NCAPD2: variants seen among roughly 807,000 people sequenced by gnomAD.
The protein encoded by NCAPD2 is non-SMC condensin I complex subunit D2, also known as condensin complex subunit 1.
In NCAPD2, 100 loss-of-function variants were observed where a neutral mutation model predicts 164.5. The ratio of observed to expected loss-of-function variants is 0.61; its 90% CI spans 0.52 to 0.72. The LOEUF (loss-of-function observed/expected upper bound fraction) is 0.72. Among genes scored for constraint, NCAPD2 ranks in the 30% least tolerant of loss-of-function variants. The pLI, the probability that NCAPD2 is intolerant of heterozygous loss-of-function variation, is 0.00. For synonymous variants in NCAPD2, 585 were observed against 642.6 expected (o/e 0.91, Z 1.36); for missense variants, 1,560 against 1,749.2 (o/e 0.89, Z 1.93).
intron 2 of NCAPD2, among the ~76,000 whole-genome samples, chr12:6,508,003 T>G (rs1483206536): frequency 6.6e-6 from 1 of 151,630 alleles, no homozygotes; most frequent in African/African-American, 2.4e-5. Flanking sequence ...GGCACCAAAG[T>G]GAGACCCTGT....
At chr12:6,505,304 G>A (rs73255098) in intron 2 of NCAPD2, among the ~76,000 whole-genome samples, 1,596 of 152,256 alleles carry the variant, frequency 0.01, 31 homozygotes, top group African/African-American at 0.035. Flanking sequence ...CACCTCAAGT[G>A]ATTCACCCGC....
In NCAPD2 at chr12:6,529,912, T is replaced by G. The variant is rs540155011; in HGVS notation, c.3791T>G (p.Leu1264Trp). Residue 1264 changes from leucine (L) to tryptophan (W), a missense_variant, in exon 29 of 32, where the codon TTG (leucine) becomes TGG (tryptophan). Transcript: ENST00000315579. ...GATGAGTCCATCTTCAGTGCTTTTT[T>G]GTCAGTTGTAGGCAAGCTGCGACGT... is the stretch of plus-strand genomic sequence containing the variant. ...LSDESIFSAF[L>W]SVVGKLRRGA... 7 of 1,614,268 alleles carry G rather than the reference T, an allele frequency of 4.3e-6. No individual in the cohort carries two copies. In the African/African-American group the frequency reaches 8.0e-5, roughly 18 times the overall value.
Position 6,531,511 on chromosome 12 carries a change from T to TAAAAA in NCAPD2, c.*107_*111dup, listed in dbSNP as rs753638236. ...AAAATATTTGTCTGTCTCTTTTTTTTAAAAAAAAAAAAGGCCGGGCACTGT... is the reference window on the plus strand; with the variant it reads ...AAAATATTTGTCTGTCTCTTTTTTTTAAAAAAAAAAAAAAAAAGGCCGGGCACTGT... On this transcript the variant is annotated 3_prime_UTR_variant, in exon 32 of 32. Coordinates refer to ENST00000315579, the MANE Select transcript of NCAPD2 (RefSeq NM_014865.4). This position sits in a 1 kb window ranked among gnomAD's most constrained non-coding sequence, Gnocchi z 4.1. 37 of 1,360,296 alleles carry TAAAAA rather than the reference T, an allele frequency of 2.7e-5. No individual in the cohort carries two copies. The African/African-American group carries it at 4.3e-4, about 16-fold the overall frequency. The allele number at this position is 1,360,296 out of a possible 1,614,324, so 84.3% of individuals were successfully genotyped here. A position where few individuals can be genotyped will look rare whatever the true frequency, so the allele number is the denominator to read the frequency against.
chr12:6,511,081 T>G lies in NCAPD2; in HGVS notation c.445-29T>G, dbSNP rs768998268. 11 of 1,607,134 alleles carry G rather than the reference T, an allele frequency of 6.8e-6. No individual in the cohort carries two copies. In the South Asian group the frequency reaches 1.1e-4, roughly 16 times the overall value. On this transcript the variant is annotated intron_variant, in intron 5 of 31. Coordinates refer to ENST00000315579, the MANE Select transcript of NCAPD2 (RefSeq NM_014865.4). ...TTGACCCACTTTTTTCCCTTATTTT[T>G]TCCTCAATGTATACATGATCCTTTT...
Position 6,517,380 on chromosome 12 carries a change from C to T in NCAPD2, c.1201C>T (p.Arg401Cys), listed in dbSNP as rs771172038. Residue 401 changes from arginine (R) to cysteine (C), a missense_variant, in exon 11 of 32, where the codon CGT becomes TGT. Arg to Cys is a radical substitution (Grantham distance 180). Transcript: ENST00000315579. ...CCCTACACAGGCTCTCCCCCTGACA[C>T]GTTTCCAGGCAGTGGTGGCTTTAGC... is the stretch of plus-strand genomic sequence containing the variant. ...IVQQKALPLT[R>C]FQAVVALAVG... The T allele has an allele frequency of 2.7e-5, 43 of 1,613,978 alleles. No homozygotes were observed. The highest frequency in any genetic ancestry group is 3.4e-5 in the Non-Finnish European group (40 of 1,180,008).
At chr12:6,517,312 C>T in intron 10 of NCAPD2, 53 bp from the exon 11 acceptor site, 6 of 1,593,848 alleles carry the variant, frequency 3.8e-6, no homozygotes, top group Non-Finnish European at 5.1e-6. Flanking sequence ...TCATCTTGAA[C>T]AAAATGGATG....
At position 6,528,253 on chromosome 12, in the gene NCAPD2, T is replaced by G; in HGVS notation, c.3224T>G (p.Leu1075Arg). 6.2e-7 allele frequency: 1 copy of G among 1,614,084 alleles called. No individual in the cohort carries two copies. Among genetic ancestry groups the G allele is most frequent in the Non-Finnish European group, 8.5e-7 (1 of 1,180,048 alleles). ...KSPLPIVRSN[L>R]MVATGDLAIR... ...CCACTTCCCATTGTCCGGTCTAACC[T>G]CATGGTTGCCACTGGGGATCTGGCC... The change falls in exon 25 of 32, where the codon CTC (leucine) becomes CGC (arginine). Residue 1075 changes from leucine to arginine, a missense_variant. By Grantham distance (102) the Leu-to-Arg change is moderately radical. Transcript: ENST00000315579. The surrounding 1 kb of genome is among the most constrained non-coding windows in gnomAD (Gnocchi z 5.1).
intron 2 of NCAPD2, among the ~76,000 whole-genome samples, 191 bp downstream of exon 2, chr12:6,495,416 C>T (rs1391373650): frequency 6.6e-6 from 1 of 152,148 alleles, no homozygotes; most frequent in Admixed American, 6.6e-5. Flanking sequence ...CATTAACTTC[C>T]TTTTCTGGAT....
intron 27 of NCAPD2, 179 bp from the exon 28 acceptor site, chr12:6,529,334 G>A: frequency 4.7e-6 from 3 of 643,766 alleles, no homozygotes; most frequent in South Asian, 3.8e-5. Context: ...CCTGAGCCGG[G>A]GGCGGGGTGG....
At position 6,497,541 on chromosome 12, in the gene NCAPD2, A is replaced by T. The variant is rs545371778; in HGVS notation, c.127+2316A>T. Among the ~76,000 whole-genome samples the T allele has an allele frequency of 2.6e-5, 4 of 152,220 alleles. No homozygotes were observed. In the South Asian group the frequency reaches 6.2e-4, roughly 24 times the overall value. On this transcript the variant is annotated intron_variant, in intron 2 of 31. Transcript: ENST00000315579. ...GTTCAGCTCCCACTTGTAAGTAAGA[A>T]CATGCAGTGTTTGGTTTTCTGTTCT...
chr12:6,503,537 C>T (rs1037876985), intron 2 of NCAPD2, among the ~76,000 whole-genome samples: 8 of 151,800 alleles, frequency 5.3e-5, no homozygotes, highest in Admixed American at 1.3e-4. Flanking sequence ...TTTGGGAGGC[C>T]GAGGCGGGCA....
At position 6,526,459 on chromosome 12, in the gene NCAPD2, C is replaced by A. The variant is rs1270862633; in HGVS notation, c.2578C>A (p.Pro860Thr). The A allele has an allele frequency of 3.7e-6, 6 of 1,614,152 alleles. No individual in the cohort carries two copies. In the South Asian group the frequency reaches 4.4e-5, roughly 12 times the overall value. Residue 860 changes from proline to threonine, a missense_variant, in exon 21 of 32, where the codon CCA becomes ACA. Pro to Thr is a conservative substitution (Grantham distance 38). Coordinates refer to ENST00000315579, the MANE Select transcript of NCAPD2 (RefSeq NM_014865.4). ...RETVTKGFVH[P>T]DPLWIPFKEV... is the part of the protein sequence containing the mutation. The stretch of plus-strand genomic sequence containing the variant: ...CTCCTCCTCTGCAGGCTTTGTCCAC[C>A]CAGACCCACTCTGGATCCCATTCAA...
At chr12:6,525,335 G>A (rs1198184331) in intron 17 of NCAPD2, among the ~76,000 whole-genome samples, 2 of 152,226 alleles carry the variant, frequency 1.3e-5, no homozygotes, top group South Asian at 2.1e-4. Flanking sequence ...ATGGACCCAC[G>A]TGGAACTCAA....
At position 6,516,961 on chromosome 12, in the gene NCAPD2, A is replaced by C; in HGVS notation, c.1121A>C (p.His374Pro). 3.7e-6 allele frequency: 6 copies of C among 1,614,194 alleles called. No individual in the cohort carries two copies. The highest frequency in any genetic ancestry group is 5.1e-6 in the Non-Finnish European group (6 of 1,180,034). Residue 374 changes from histidine to proline, a missense_variant, in exon 10 of 32, where the codon CAT becomes CCT. His to Pro is a moderately conservative substitution (Grantham distance 77). Transcript: ENST00000315579. ...QFLDTLQAHG[H>P]DVNSFVRSRV... The stretch of plus-strand genomic sequence containing the variant: ...TTGGATACTTTACAAGCCCATGGCC[A>C]TGATGTCAACTCCTTTGTGCGGAGC...
chr12:6,521,814 A>G lies in NCAPD2; in HGVS notation c.1731A>G (p.Thr577=), dbSNP rs746431689. 1.1e-5 allele frequency: 17 copies of G among 1,614,030 alleles called. No individual in the cohort carries two copies. The highest frequency in any genetic ancestry group is 1.4e-5 in the Non-Finnish European group (16 of 1,179,918). ...ACTCCTTAGGCCCAGCAGCTTCCAC[A>G]CAAGAAAAGAATCCCCGGGAGTCTA... The part of the protein sequence containing the change: ...GLIFKGPAAS[T]QEKNPRESTG... The change falls in exon 15 of 32, where the codon ACA becomes ACG. Residue 577 remains threonine (T), a synonymous_variant. Coordinates refer to ENST00000315579, the MANE Select transcript of NCAPD2 (RefSeq NM_014865.4).
rs1303955741 is a variant in NCAPD2, at chr12:6,504,206, TATATATATATAGATATAG to T, written c.128-5499_128-5482del. On this transcript the variant is annotated intron_variant, in intron 2 of 31. Coordinates refer to ENST00000315579, the MANE Select transcript of NCAPD2 (RefSeq NM_014865.4). Reference sequence around the variant, plus strand: ...ACATATATATATATATATATATATATATATATATATAGATATAGATATATATATATATATATACCATTG... The same window carrying T: ...ACATATATATATATATATATATATATATATATATATATATATATACCATTG... 3.4e-3 allele frequency among the ~76,000 whole-genome samples: 86 copies of T among 25,228 alleles called. 4 individuals carry two copies. The highest frequency in any genetic ancestry group is 0.029 in the African/African-American group (83 of 2,828). 16.6% of individuals were successfully genotyped at this position (25,228 alleles called of 152,430 possible).
intron 2 of NCAPD2, among the ~76,000 whole-genome samples, chr12:6,507,749 C>G (rs1026905493): frequency 2.0e-5 from 3 of 152,078 alleles, no homozygotes; most frequent in Admixed American, 2.0e-4. Flanking sequence ...TAAAGGAAAG[C>G]TAGTCTTCTT....
chr12:6,507,190 G>A (rs747730115), intron 2 of NCAPD2, among the ~76,000 whole-genome samples: 13 of 151,966 alleles, frequency 8.6e-5, no homozygotes, highest in African/African-American at 1.7e-4. Context: ...TTGCCCAGGC[G>A]GATCTTGAAC....
intron 2 of NCAPD2, among the ~76,000 whole-genome samples, chr12:6,504,909 T>C (rs1008467939): frequency 2.0e-5 from 3 of 152,162 alleles, no homozygotes; most frequent in Admixed American, 2.0e-4. Flanking sequence ...TTGGCTTTTC[T>C]TGTAATGTCA....
Sources: gnomAD v4.1 joint callset for allele counts (sites outside exome capture counted in the v4.1 genomes callset) on GRCh38, gnomAD v4.1.1 for gene constraint, Gnocchi (gnomAD v3.1) non-coding constraint, MANE v1.5 for transcripts, NCBI Gene and HGNC (gene_info 2026-07-23, HGNC 2026-07-21) for gene names.